Variants in CPNE3 observed in about 807,000 individuals in gnomAD.
CPNE3 encodes the protein copine-3.
In CPNE3, 68 loss-of-function variants were observed where a neutral mutation model predicts 63.9. The observed-to-expected ratio is 1.06, with a 90% CI of 0.87 to 1.30. CPNE3 has a LOEUF of 1.30. Among genes scored for constraint, CPNE3 ranks in the 50% most tolerant of loss-of-function variants. The probability of loss-of-function intolerance (pLI) is 0.00; values close to 1 mark genes in which losing one functional copy is unlikely to be tolerated. For missense variants in CPNE3, 665 were observed against 578.1 expected, an observed-to-expected ratio of 1.15 and a Z score of -1.54; for synonymous variants, 219 against 197.5, an observed-to-expected ratio of 1.11 and a Z score of -0.91.
Position 86,544,820 on chromosome 8 carries a change from A to G in CPNE3, c.714A>G (p.Glu238=). 1 of 1,591,048 alleles carries G rather than the reference A, an allele frequency of 6.3e-7. No individual in the cohort carries two copies. The highest frequency in any genetic ancestry group is 1.1e-5 in the South Asian group (1 of 88,676). Residue 238 remains glutamate, a synonymous_variant, in exon 9 of 17, where the codon GAA becomes GAG. Coordinates refer to ENST00000517490, the MANE Select transcript of CPNE3 (RefSeq NM_003909.5). ...AGACCACCATGACAAAACTGAAAGA[A>G]GCCTCCAGAAGCTCACCTGTAAGTT... ...TFQTTMTKLK[E]ASRSSPVEFE...
chr8:86,538,989 A>C (rs574568091), intron 7 of CPNE3, among the ~76,000 whole-genome samples: 29 of 152,362 alleles, frequency 1.9e-4, no homozygotes, highest in African/African-American at 4.3e-4. Context: ...ATCCTTGCCT[A>C]ATCAATTATT....
In CPNE3 at chr8:86,537,593, G is replaced by A; in HGVS notation, c.490G>A (p.Glu164Lys). 1 of 1,610,470 alleles carries A rather than the reference G, an allele frequency of 6.2e-7. No homozygotes were observed. The highest frequency in any genetic ancestry group is 2.2e-5 in the East Asian group (1 of 44,802). ...DLFGKSDPYLEFHKQTSDGNW... is the reference protein window; with the variant it reads ...DLFGKSDPYLKFHKQTSDGNW... The stretch of plus-strand genomic sequence containing the variant: ...ATTTGGAAAGTCAGACCCATACCTG[G>A]AATTCCACAAGCAGACATCTGATGG... The change falls in exon 7 of 17, where the codon GAA (glutamate) becomes AAA (lysine). Residue 164 changes from glutamate to lysine, a missense_variant. Physicochemically the swap from Glu to Lys is moderately conservative, Grantham distance 56. Transcript: ENST00000517490.
At chr8:86,547,506 C>A in intron 10 of CPNE3, 1 of 497,508 alleles carries the variant, frequency 2.0e-6, no homozygotes, top group Admixed American at 3.9e-5. Context: ...CTAATCTTAA[C>A]ATTGCTACAA....
Position 86,558,549 on chromosome 8 carries a change from A to G in CPNE3, c.*139A>G. 1 of 686,740 alleles carries G rather than the reference A, an allele frequency of 1.5e-6. No individual in the cohort carries two copies. 42.5% of individuals were successfully genotyped at this position (686,740 alleles called of 1,614,324 possible). ...TTCTCTATGGATTATATCTGTTTAAAGCATTCTTTCTAGGTTATTTTGGGG... is the reference window on the plus strand; with the variant it reads ...TTCTCTATGGATTATATCTGTTTAAGGCATTCTTTCTAGGTTATTTTGGGG... On this transcript the variant is annotated 3_prime_UTR_variant, in exon 17 of 17. Coordinates refer to ENST00000517490, the MANE Select transcript of CPNE3 (RefSeq NM_003909.5).
intron 6 of CPNE3, among the ~76,000 whole-genome samples, chr8:86,536,340 A>G (rs1241658054): frequency 6.7e-6 from 1 of 148,652 alleles, no homozygotes; most frequent in Non-Finnish European, 1.5e-5. Flanking sequence ...TCTTTTACTT[A>G]ACATATCCTG....
intron 2 of CPNE3, among the ~76,000 whole-genome samples, chr8:86,515,825 TA>T (rs1290848804): frequency 6.6e-6 from 1 of 152,174 alleles, no homozygotes; most frequent in Non-Finnish European, 1.5e-5. Context: ...ATGTCATTAA[TA>T]AGGGTCAGCA....
intron 2 of CPNE3, among the ~76,000 whole-genome samples, chr8:86,523,235 G>C (rs1216889196): frequency 6.6e-6 from 1 of 152,076 alleles, no homozygotes; most frequent in Non-Finnish European, 1.5e-5. Flanking sequence ...CTAGTGTCAG[G>C]GTTTTTTAAT....
intron 4 of CPNE3, 69 bp downstream of exon 4, chr8:86,529,193 G>T: frequency 7.4e-7 from 1 of 1,348,874 alleles, no homozygotes; most frequent in Non-Finnish European, 1.0e-6. Context: ...GGTGTTTTTG[G>T]TAAGCAGCAT....
At chr8:86,528,401 G>A (rs1820586448) in intron 2 of CPNE3, 135 bp from the exon 3 acceptor site, 3 of 831,388 alleles carry the variant, frequency 3.6e-6, no homozygotes, top group Admixed American at 2.8e-5. Flanking sequence ...GCATATAACA[G>A]TCTGATTCTG....
At chr8:86,536,651 A>G (rs1251100741) in intron 6 of CPNE3, among the ~76,000 whole-genome samples, 1 of 152,162 alleles carries the variant, frequency 6.6e-6, no homozygotes, top group Admixed American at 6.5e-5. Flanking sequence ...CAGCTCAGGG[A>G]TGTATCTGCA....
chr8:86,529,784 A>T (rs1382008297), intron 4 of CPNE3, among the ~76,000 whole-genome samples: 1 of 152,168 alleles, frequency 6.6e-6, no homozygotes, highest in Non-Finnish European at 1.5e-5. Flanking sequence ...ATTTGCATAG[A>T]CTGAAGAAAG....
At chr8:86,529,436 A>G (rs1820620776) in intron 4 of CPNE3, among the ~76,000 whole-genome samples, 1 of 152,154 alleles carries the variant, frequency 6.6e-6, no homozygotes, top group African/African-American at 2.4e-5. Flanking sequence ...TGTTCAAGCC[A>G]TAAATGCATT....
At chr8:86,557,148 GT>G (rs1327751050) in intron 16 of CPNE3, among the ~76,000 whole-genome samples, 1 of 151,988 alleles carries the variant, frequency 6.6e-6, no homozygotes, top group African/African-American at 2.4e-5. Context: ...GTTGTTGTTT[GT>G]TTGTTTTGTT....
Position 86,529,010 on chromosome 8 carries a change from T to C in CPNE3, c.198T>C (p.Asp66=), listed in dbSNP as rs763707575. The C allele has an allele frequency of 2.5e-6, 4 of 1,613,702 alleles. No homozygotes were observed. Among genetic ancestry groups the C allele is most frequent in the Non-Finnish European group, 1.7e-6 (2 of 1,179,674 alleles). The change falls in exon 4 of 17, where the codon GAT becomes GAC. Residue 66 remains aspartate, a synonymous_variant. Coordinates refer to ENST00000517490, the MANE Select transcript of CPNE3 (RefSeq NM_003909.5). ...AATTTTCCAAGACATTTATTATTGATTACTACTTTGAAGTGGTTCAGAAAT... is the reference window on the plus strand; with the variant it reads ...AATTTTCCAAGACATTTATTATTGACTACTACTTTGAAGTGGTTCAGAAAT... ...NPQFSKTFII[D]YYFEVVQKLK... is the part of the protein sequence containing the mutation.
At chr8:86,530,959 T>C (rs1820668638) in intron 4 of CPNE3, among the ~76,000 whole-genome samples, 196 bp from the exon 5 acceptor site, 1 of 152,182 alleles carries the variant, frequency 6.6e-6, no homozygotes, top group Non-Finnish European at 1.5e-5. Flanking sequence ...CCCAAAGTGC[T>C]GGGATTACAG....
rs562002493 is a variant in CPNE3 at position 86,527,604 on chromosome 8, T to C, written c.-10-932T>C. On this transcript the variant is annotated intron_variant, in intron 2 of 16. Coordinates refer to ENST00000517490, the MANE Select transcript of CPNE3 (RefSeq NM_003909.5). ...ATCCAAGGAACTGATGTCAGGGTTG[T>C]ACCCTAAACCAGTTAAAATCTCTTT... Among the ~76,000 whole-genome samples the C allele has an allele frequency of 1.6e-4, 24 of 152,304 alleles. No homozygotes were observed. The East Asian group carries it at 3.9e-3, about 24-fold the overall frequency.
At chr8:86,541,523 G>A (rs970118819) in intron 8 of CPNE3, among the ~76,000 whole-genome samples, 1 of 151,912 alleles carries the variant, frequency 6.6e-6, no homozygotes, top group East Asian at 1.9e-4. Flanking sequence ...GGGCAACATG[G>A]CAAAATACTG....
chr8:86,523,895 G>T (rs1360950720), intron 2 of CPNE3, among the ~76,000 whole-genome samples: 1 of 152,162 alleles, frequency 6.6e-6, no homozygotes, highest in Non-Finnish European at 1.5e-5. Flanking sequence ...GCCTGAAGTG[G>T]ATCTTGAAGA....
intron 6 of CPNE3, among the ~76,000 whole-genome samples, chr8:86,536,616 G>A (rs969627492): frequency 6.6e-6 from 1 of 152,096 alleles, no homozygotes; most frequent in Non-Finnish European, 1.5e-5. Context: ...TAATACTGAA[G>A]TTAATTCAGG....
Sources: gnomAD v4.1 joint callset for allele counts (sites outside exome capture counted in the v4.1 genomes callset) on GRCh38, gnomAD v4.1.1 for gene constraint, MANE v1.5 for transcripts, NCBI Gene and HGNC (gene_info 2026-07-23, HGNC 2026-07-21) for gene names.